PIP4K2A: variants seen among roughly 807,000 people sequenced by gnomAD.
PIP4K2A encodes phosphatidylinositol 5-phosphate 4-kinase type-2 alpha.
Under a neutral mutation model 42.9 loss-of-function variants are expected in PIP4K2A, and 14 were observed. That is an observed-to-expected ratio of 0.33 (90% CI 0.22 to 0.51). The LOEUF (loss-of-function observed/expected upper bound fraction) is 0.51. PIP4K2A is among the 20% of genes least tolerant of loss of function. PIP4K2A has a pLI of 0.97. For synonymous variants in PIP4K2A, 192 were observed against 192.2 expected, an observed-to-expected ratio of 1.00 and a Z score of 0.01; for missense variants, 434 against 519.8, an observed-to-expected ratio of 0.83 and a Z score of 1.61.
At chr10:22,539,144 G>A (rs1836017643) in intron 9 of PIP4K2A, among the ~76,000 whole-genome samples, 1 of 152,188 alleles carries the variant, frequency 6.6e-6, no homozygotes, top group African/African-American at 2.4e-5. Context: ...AGCCAGGCAG[G>A]AGGTGTTTGC....
chr10:22,590,242 T>C (rs1191799483), intron 4 of PIP4K2A, among the ~76,000 whole-genome samples: 1 of 152,210 alleles, frequency 6.6e-6, no homozygotes, highest in Non-Finnish European at 1.5e-5. Context: ...CGGTTTTTTA[T>C]GACAGCTCAA....
At chr10:22,664,124 T>TACAC (rs1410089658) in intron 1 of PIP4K2A, among the ~76,000 whole-genome samples, 5 of 66,358 alleles carry the variant, frequency 7.5e-5, no homozygotes, top group South Asian at 3.4e-4. Context: ...TACATATATA[T>TACAC]ATATACATAT....
At chr10:22,567,562 T>C (rs1381797295) in intron 6 of PIP4K2A, 5 of 646,800 alleles carry the variant, frequency 7.7e-6, no homozygotes, top group South Asian at 3.1e-5. Context: ...TTTTCGATTA[T>C]AGGTTTACTG....
intron 1 of PIP4K2A, among the ~76,000 whole-genome samples, chr10:22,633,417 G>C (rs1024463999): frequency 6.6e-6 from 1 of 152,102 alleles, no homozygotes; most frequent in African/African-American, 2.4e-5. Context: ...GCGATCCTCT[G>C]CTCTTTTTAT....
At chr10:22,688,218 A>C (rs1008008987) in intron 1 of PIP4K2A, among the ~76,000 whole-genome samples, 1 of 152,212 alleles carries the variant, frequency 6.6e-6, no homozygotes, top group African/African-American at 2.4e-5. Flanking sequence ...TGAATACAGT[A>C]AGAAAGCGAC....
chr10:22,713,584 C>T (rs1049813203), intron 1 of PIP4K2A, among the ~76,000 whole-genome samples: 2 of 152,244 alleles, frequency 1.3e-5, no homozygotes, highest in African/African-American at 4.8e-5. Flanking sequence ...TGCCAAAAAG[C>T]CGACTTGTGC....
chr10:22,550,807 T>G (rs770052021), intron 6 of PIP4K2A, 35 bp from the exon 7 acceptor site: 47 of 1,353,462 alleles, frequency 3.5e-5, no homozygotes, highest in Non-Finnish European at 4.8e-5. Context: ...ACAAAGGCGC[T>G]TGAAGAAAAC....
intron 1 of PIP4K2A, among the ~76,000 whole-genome samples, chr10:22,626,033 G>T (rs1013458470): frequency 1.3e-5 from 2 of 152,030 alleles, no homozygotes; most frequent in African/African-American, 2.4e-5. Flanking sequence ...CTGGAGTCTT[G>T]AAGTGAGTGC....
Position 22,704,651 on chromosome 10 carries a change from GAA to G in PIP4K2A, c.144+9530_144+9531del, listed in dbSNP as rs113174364. On this transcript the variant is annotated intron_variant, in intron 1 of 9. Coordinates refer to ENST00000376573, the MANE Select transcript of PIP4K2A (RefSeq NM_005028.5). ...CAGGCCAAAAAGCAAGACCTCATCTGAAAAAAAAAAAAAAAAAAAAGGAACAG... is the reference window on the plus strand; with the variant it reads ...CAGGCCAAAAAGCAAGACCTCATCTGAAAAAAAAAAAAAAAAAAGGAACAG... 3.7e-4 allele frequency among the ~76,000 whole-genome samples: 24 copies of G among 64,186 alleles called. 1 individual carries two copies. The highest frequency in any genetic ancestry group is 1.1e-3 in the East Asian group (2 of 1,864). The allele number at this position is 64,186 out of a possible 152,430, so 42.1% of individuals were successfully genotyped here.
At chr10:22,681,620 A>G (rs1365310670) in intron 1 of PIP4K2A, among the ~76,000 whole-genome samples, 1 of 152,196 alleles carries the variant, frequency 6.6e-6, no homozygotes, top group Non-Finnish European at 1.5e-5. Context: ...GGCTGCATTG[A>G]GCCATGATGG....
chr10:22,588,958 T>A (rs1168064107), intron 4 of PIP4K2A, among the ~76,000 whole-genome samples: 1 of 152,196 alleles, frequency 6.6e-6, no homozygotes, highest in Non-Finnish European at 1.5e-5. Flanking sequence ...TCAATAGACT[T>A]ATTTTGATCC....
rs139630760 is a variant in PIP4K2A at position 22,576,444 on chromosome 10, C to T, written c.493-2987G>A. The stretch of plus-strand genomic sequence containing the variant: ...TGTTAACTCCAAGGATTCCTACACA[C>T]ACCAGCTGCTGGAGGTCAGCCCTGA... On this transcript the variant is annotated intron_variant, in intron 4 of 9. Transcript: ENST00000376573. Among the ~76,000 whole-genome samples, 28 of 152,296 alleles carry T rather than the reference C, an allele frequency of 1.8e-4. No homozygotes were observed. In the Middle Eastern group the frequency reaches 0.01, roughly 56 times the overall value.
intron 6 of PIP4K2A, among the ~76,000 whole-genome samples, chr10:22,560,222 C>A (rs1409316540): frequency 3.3e-5 from 5 of 152,090 alleles, no homozygotes. Flanking sequence ...GCTTGACAAC[C>A]CCCCTTTAAC....
In PIP4K2A at chr10:22,537,886, C is replaced by G. The variant is rs544267218; in HGVS notation, c.1141-605G>C. 2.7e-4 allele frequency among the ~76,000 whole-genome samples: 41 copies of G among 152,284 alleles called. 1 individual carries two copies. The South Asian group carries it at 8.5e-3, about 32-fold the overall frequency. ...CACAACACTGCTGGCTCCATCTTGC[C>G]CACGGGGGAAGGAGCTGACTTCCCT... On this transcript the variant is annotated intron_variant, in intron 9 of 9. Transcript: ENST00000376573.
intron 5 of PIP4K2A, among the ~76,000 whole-genome samples, chr10:22,568,632 T>C (rs888978367): frequency 6.6e-6 from 1 of 152,172 alleles, no homozygotes; most frequent in Non-Finnish European, 1.5e-5. Context: ...AACTCTGCCT[T>C]AGAGCTCTGG....
chr10:22,623,516 G>A lies in PIP4K2A; in HGVS notation c.145-13799C>T, dbSNP rs117444179. On this transcript the variant is annotated intron_variant, in intron 1 of 9. Coordinates refer to ENST00000376573, the MANE Select transcript of PIP4K2A (RefSeq NM_005028.5). ...AAGGCTGCCTTTACACAGCTTGTCT[G>A]ACGAATGCCCTCCTCAGTCCAATGT... Among the ~76,000 whole-genome samples the A allele has an allele frequency of 7.6e-3, 1,158 of 152,256 alleles. 8 individuals are homozygous for A. The highest frequency in any genetic ancestry group is 0.012 in the Non-Finnish European group (797 of 68,006).
At chr10:22,573,107 G>C (rs1030188725) in intron 5 of PIP4K2A, among the ~76,000 whole-genome samples, 2 of 152,190 alleles carry the variant, frequency 1.3e-5, no homozygotes, top group Non-Finnish European at 2.9e-5. Context: ...TATTTAAGTA[G>C]ATGTGATATC....
rs183497649 is a variant in PIP4K2A, at chr10:22,680,824, T to C, written c.144+33359A>G. 1.2e-3 allele frequency among the ~76,000 whole-genome samples: 181 copies of C among 152,290 alleles called. 2 individuals are homozygous for C. The highest frequency in any genetic ancestry group is 4.3e-3 in the African/African-American group (177 of 41,564). ...CATCCCAAAATATGCCGGATTTTTA[T>C]ATTGATTAGTGTGAGCTGAAAACAC... On this transcript the variant is annotated intron_variant, in intron 1 of 9. Coordinates refer to ENST00000376573, the MANE Select transcript of PIP4K2A (RefSeq NM_005028.5).
intron 4 of PIP4K2A, among the ~76,000 whole-genome samples, chr10:22,577,178 T>TGGTAC (rs2130801366): frequency 6.6e-6 from 1 of 151,904 alleles, no homozygotes; most frequent in Admixed American, 6.6e-5. Flanking sequence ...TGACTTTGCA[T>TGGTAC]CAGGGAGCAG....
Sources: gnomAD v4.1 joint callset for allele counts (sites outside exome capture counted in the v4.1 genomes callset) on GRCh38, gnomAD v4.1.1 for gene constraint, MANE v1.5 for transcripts, NCBI Gene and HGNC (gene_info 2026-07-23, HGNC 2026-07-21) for gene names.